Variants in DMD observed in about 807,000 individuals in gnomAD.
DMD encodes the protein mutant dystrophin.
DMD carries 63 observed loss-of-function variants against 330.1 expected under a neutral mutation model. The observed-to-expected ratio is 0.19, with a 90% CI of 0.16 to 0.24. DMD has a LOEUF of 0.24. Ranked by LOEUF, DMD falls within the 10% of genes least tolerant of loss-of-function variation. The pLI, the probability that DMD is intolerant of heterozygous loss-of-function variation, is 1.00. For missense variants in DMD, 3,344 were observed against 2,684.1 expected (o/e 1.25, Z -5.43); for synonymous variants, 1,223 against 959.8 (o/e 1.27, Z -5.07).
intron 17 of DMD, among the ~76,000 whole-genome samples, chrX:32,528,603 T>TG (rs765716495): frequency 1.8e-5 from 2 of 111,302 alleles, no homozygotes; most frequent in South Asian, 3.8e-4. Flanking sequence ...AGAAGGGAAG[T>TG]GGGGGTCAGA....
intron 53 of DMD, among the ~76,000 whole-genome samples, chrX:31,659,639 GAAA>G (rs869195395): frequency 1.8e-4 from 7 of 39,975 alleles, no homozygotes; most frequent in African/African-American, 3.7e-4. Context: ...CTCCATCTCG[GAAA>G]AAAAAAAAAA....
At chrX:31,246,064 A>G (rs1238141873) in intron 63 of DMD, among the ~76,000 whole-genome samples, 2 of 112,319 alleles carry the variant, frequency 1.8e-5, no homozygotes, top group African/African-American at 6.5e-5. Context: ...GGAAAAGTTA[A>G]TGAAGGAAAT....
intron 60 of DMD, among the ~76,000 whole-genome samples, chrX:31,422,017 A>AT (rs1491041502): frequency 4.2e-4 from 19 of 44,912 alleles, no homozygotes; most frequent in African/African-American, 2.4e-3. Context: ...ATATATATAT[A>AT]AACACACACA....
At chrX:32,823,233 G>C in intron 5 of DMD, 62 bp downstream of exon 5, 1 of 939,341 alleles carries the variant, frequency 1.1e-6, no homozygotes, top group Non-Finnish European at 1.5e-6. Flanking sequence ...ACACGTCAAG[G>C]GTAAAAATTA....
rs770753331 is a variant in DMD at position 32,216,893 on chromosome X, G to A, written c.6438+23C>T. The stretch of plus-strand genomic sequence containing the variant: ...ATGTGCTGAAGATAAATACAATTTC[G>A]AAAAAACAAATCAAAGACTTACCTT... On this transcript the variant is annotated intron_variant, in intron 44 of 78. Transcript: ENST00000357033. 5.8e-6 allele frequency: 7 copies of A among 1,198,012 alleles called. No individual in the cohort carries two copies. The Admixed American group carries it at 6.6e-5, about 11-fold the overall frequency.
chrX:31,775,409 C>T (rs2090595798), intron 50 of DMD, among the ~76,000 whole-genome samples: 1 of 110,811 alleles, frequency 9.0e-6, no homozygotes, highest in African/African-American at 3.3e-5. Context: ...GTCAAAAGTC[C>T]GTGTGTGGCC....
chrX:33,013,866 C>T (rs753611775), intron 2 of DMD, among the ~76,000 whole-genome samples: 6 of 111,019 alleles, frequency 5.4e-5, no homozygotes, highest in Admixed American at 3.9e-4. Flanking sequence ...TTTGTGTGTA[C>T]GTGTTGAGGA....
At chrX:32,277,544 T>C (rs913956312) in intron 43 of DMD, among the ~76,000 whole-genome samples, 3 of 111,751 alleles carry the variant, frequency 2.7e-5, no homozygotes, top group African/African-American at 6.5e-5. Context: ...CACAGATTAT[T>C]ATCAAAGATA....
intron 12 of DMD, among the ~76,000 whole-genome samples, chrX:32,612,174 G>C: frequency 9.0e-6 from 1 of 111,602 alleles, no homozygotes; most frequent in Non-Finnish European, 1.9e-5. Context: ...ATCTCTGAAA[G>C]ACTGTGGAGA....
chrX:32,920,882 G>A (rs2088329855), intron 2 of DMD, among the ~76,000 whole-genome samples: 1 of 112,128 alleles, frequency 8.9e-6, no homozygotes, highest in African/African-American at 3.2e-5. Flanking sequence ...AGAGTCCAGG[G>A]AAGGAGAGAG....
At chrX:33,194,665 C>A (rs1222984960) in intron 1 of DMD, among the ~76,000 whole-genome samples, 1 of 110,413 alleles carries the variant, frequency 9.1e-6, no homozygotes, top group Non-Finnish European at 1.9e-5. Context: ...TATTAGTTTA[C>A]AGAAACTTAA....
intron 44 of DMD, among the ~76,000 whole-genome samples, chrX:32,202,109 A>G (rs763393626): frequency 2.7e-5 from 3 of 111,353 alleles, no homozygotes; most frequent in East Asian, 5.7e-4. Context: ...TAATTTATGT[A>G]TTGAGAGAAT....
chrX:32,878,792 G>A (rs1185651057), intron 2 of DMD, among the ~76,000 whole-genome samples: 1 of 108,882 alleles, frequency 9.2e-6, no homozygotes, highest in African/African-American at 3.4e-5. Context: ...GGTGGATCAC[G>A]AGGTCAGGAG....
chrX:32,827,056 A>ACC lies in DMD; in HGVS notation c.265-3671_265-3670dup, dbSNP rs1174768674. 2.1e-3 allele frequency among the ~76,000 whole-genome samples: 125 copies of ACC among 59,832 alleles called. 9 individuals carry two copies. The highest frequency in any genetic ancestry group is 7.2e-3 in the African/African-American group (90 of 12,489). The allele number at this position is 59,832 out of a possible 115,157, so 52.0% of individuals were successfully genotyped here. A position where few individuals can be genotyped will look rare whatever the true frequency, so the allele number is the denominator to read the frequency against. Reference sequence around the variant, plus strand: ...AATAAGTCATTGGAACACACATCGCACCCCCCCCCCACACACACACACACA... The same window carrying ACC: ...AATAAGTCATTGGAACACACATCGCACCCCCCCCCCCCACACACACACACACA... On this transcript the variant is annotated intron_variant, in intron 4 of 78. Transcript: ENST00000357033.
intron 1 of DMD, among the ~76,000 whole-genome samples, chrX:33,178,066 T>C (rs1247805423): frequency 8.9e-6 from 1 of 112,233 alleles, no homozygotes; most frequent in Non-Finnish European, 1.9e-5. Flanking sequence ...GGAATCAGAA[T>C]CTAAAGTATT....
chrX:31,279,832 T>G (rs1311501942), intron 62 of DMD, among the ~76,000 whole-genome samples: 1 of 112,769 alleles, frequency 8.9e-6, no homozygotes, highest in Non-Finnish European at 1.9e-5. Flanking sequence ...TTGTTCAAAT[T>G]TGGTCTATGG....
chrX:32,837,086 G>C (rs1398165224), intron 4 of DMD, among the ~76,000 whole-genome samples: 1 of 111,637 alleles, frequency 9.0e-6, no homozygotes, highest in Admixed American at 9.6e-5. Flanking sequence ...AAGGTGACTG[G>C]CTTCCTGATG....
At chrX:32,149,634 T>A in intron 44 of DMD, among the ~76,000 whole-genome samples, 2 of 111,295 alleles carry the variant, frequency 1.8e-5, no homozygotes, top group Middle Eastern at 4.7e-3. Flanking sequence ...TGTAATGGAG[T>A]CTATTAATTA....
At chrX:31,602,730 C>G (rs2077428694) in intron 55 of DMD, among the ~76,000 whole-genome samples, 1 of 111,859 alleles carries the variant, frequency 8.9e-6, no homozygotes, top group African/African-American at 3.3e-5. Flanking sequence ...ACGGTTGTTC[C>G]TAAGCTTTAG....
Sources: gnomAD v4.1 joint callset for allele counts (sites outside exome capture counted in the v4.1 genomes callset) on GRCh38, gnomAD v4.1.1 for gene constraint, MANE v1.5 for transcripts, NCBI Gene and HGNC (gene_info 2026-07-23, HGNC 2026-07-21) for gene names.